The following LMX1A variants were observed in gnomAD, a reference collection of about 807,000 sequenced individuals.
LMX1A encodes the protein LIM homeobox transcription factor 1 alpha.
In LMX1A, 15 loss-of-function variants were observed where a neutral mutation model predicts 49.1. The ratio of observed to expected loss-of-function variants is 0.31; its 90% CI spans 0.20 to 0.47. The LOEUF is 0.47. Among genes scored for constraint, LMX1A ranks in the 20% least tolerant of loss-of-function variants. The pLI is 1.00. For synonymous variants in LMX1A, 167 were observed against 185.7 expected (o/e 0.90, Z 0.82); for missense variants, 372 against 475.8 (o/e 0.78, Z 2.03).
At position 165,212,159 on chromosome 1, in the gene LMX1A, G is replaced by C. The variant is rs191694680; in HGVS notation, c.670-1383C>G. Among the ~76,000 whole-genome samples the C allele has an allele frequency of 2.0e-4, 31 of 152,348 alleles. No individual in the cohort carries two copies. The East Asian group carries it at 5.6e-3, about 27-fold the overall frequency. On this transcript the variant is annotated intron_variant, in intron 5 of 8. Coordinates refer to ENST00000342310, the MANE Select transcript of LMX1A (RefSeq NM_177398.4). ...TTTCCAAATATCAGAAGTTGTGATAGGCTGGACTATTGCTCAACAAATATC... is the reference window on the plus strand; with the variant it reads ...TTTCCAAATATCAGAAGTTGTGATACGCTGGACTATTGCTCAACAAATATC...
At chr1:165,307,072 G>A (rs777161911) in intron 3 of LMX1A, among the ~76,000 whole-genome samples, 1 of 152,234 alleles carries the variant, frequency 6.6e-6, no homozygotes, top group African/African-American at 2.4e-5. Flanking sequence ...ATCAGGCAGT[G>A]CAGGCAAAGC....
At chr1:165,263,230 TCTAACTTGTATAC>T (rs1439483874) in intron 3 of LMX1A, among the ~76,000 whole-genome samples, 1 of 152,226 alleles carries the variant, frequency 6.6e-6, no homozygotes, top group Admixed American at 6.5e-5. Context: ...CTCTTTTGAA[TCTAACTTGTATAC>T]CCAACTACCT....
At chr1:165,260,464 C>G (rs1653398979) in intron 3 of LMX1A, among the ~76,000 whole-genome samples, 1 of 152,104 alleles carries the variant, frequency 6.6e-6, no homozygotes, top group Non-Finnish European at 1.5e-5. Flanking sequence ...TCCATAAATC[C>G]TGTTTGCTTT....
intron 4 of LMX1A, among the ~76,000 whole-genome samples, chr1:165,227,309 G>A (rs1652069255): frequency 1.3e-5 from 2 of 152,186 alleles, no homozygotes; most frequent in Admixed American, 1.3e-4. Flanking sequence ...AGGCCAAGGC[G>A]GGTGGATCAC....
At chr1:165,209,738 A>G (rs1300026977) in intron 6 of LMX1A, among the ~76,000 whole-genome samples, 1 of 152,214 alleles carries the variant, frequency 6.6e-6, no homozygotes, top group African/African-American at 2.4e-5. Context: ...AAAGCAGTAA[A>G]TATAAGTAAG....
intron 4 of LMX1A, among the ~76,000 whole-genome samples, chr1:165,235,204 C>T (rs554567247): frequency 1.6e-4 from 24 of 152,226 alleles, no homozygotes; most frequent in African/African-American, 5.5e-4. Context: ...ACCCAGAAGA[C>T]CCGGGAGCTA....
At chr1:165,325,411 A>T (rs796452903) in intron 3 of LMX1A, among the ~76,000 whole-genome samples, 1 of 151,902 alleles carries the variant, frequency 6.6e-6, no homozygotes. Flanking sequence ...TCATTGTTCA[A>T]TTTAGATCAC....
intron 4 of LMX1A, among the ~76,000 whole-genome samples, chr1:165,238,425 G>A (rs1249862461): frequency 6.6e-6 from 1 of 152,198 alleles, no homozygotes; most frequent in Admixed American, 6.5e-5. Context: ...ATCAGTAATA[G>A]TACCTTACGT....
At chr1:165,270,398 G>A (rs1653759445) in intron 3 of LMX1A, among the ~76,000 whole-genome samples, 1 of 152,178 alleles carries the variant, frequency 6.6e-6, no homozygotes, top group African/African-American at 2.4e-5. Flanking sequence ...AAACTCCTGT[G>A]GGGGCAAGCA....
Position 165,226,142 on chromosome 1 carries a change from A to G in LMX1A, c.497-12329T>C, listed in dbSNP as rs923376003. 8.5e-5 allele frequency among the ~76,000 whole-genome samples: 13 copies of G among 152,248 alleles called. No homozygotes were observed. In the South Asian group the frequency reaches 2.3e-3, roughly 27 times the overall value. Reference sequence around the variant, plus strand: ...GCAGGGCTGGCCCTTGTTGTGCATCATTGGGAAGTACACCACCAAGCACAA... The same window carrying G: ...GCAGGGCTGGCCCTTGTTGTGCATCGTTGGGAAGTACACCACCAAGCACAA... On this transcript the variant is annotated intron_variant, in intron 4 of 8. Transcript: ENST00000342310.
intron 3 of LMX1A, among the ~76,000 whole-genome samples, chr1:165,253,984 C>T (rs1308373804): frequency 6.6e-6 from 1 of 152,130 alleles, no homozygotes; most frequent in Admixed American, 6.5e-5. Context: ...GGCCCCAAGT[C>T]CCCGGTTGCT....
chr1:165,308,293 A>G (rs1006154002), intron 3 of LMX1A, among the ~76,000 whole-genome samples: 10 of 152,198 alleles, frequency 6.6e-5, no homozygotes, highest in African/African-American at 1.7e-4. Context: ...AACACCTTCC[A>G]TACAAGCTTT....
intron 3 of LMX1A, among the ~76,000 whole-genome samples, chr1:165,297,100 G>A (rs192439149): frequency 1.1e-4 from 16 of 152,322 alleles, no homozygotes; most frequent in Admixed American, 2.6e-4. Flanking sequence ...TCAGTTTCCA[G>A]CACAGTGCTT....
At chr1:165,245,108 A>AT (rs1652795669) in intron 4 of LMX1A, among the ~76,000 whole-genome samples, 1 of 152,066 alleles carries the variant, frequency 6.6e-6, no homozygotes, top group Admixed American at 6.5e-5. Flanking sequence ...TTCAACTTCT[A>AT]TTTTAGATGC....
At chr1:165,247,365 C>T (rs1652898518) in intron 4 of LMX1A, among the ~76,000 whole-genome samples, 1 of 151,970 alleles carries the variant, frequency 6.6e-6, no homozygotes, top group Non-Finnish European at 1.5e-5. Flanking sequence ...GAGGAGGAAG[C>T]CTAAGAGGGC....
intron 3 of LMX1A, among the ~76,000 whole-genome samples, chr1:165,310,001 C>T (rs565285674): frequency 9.2e-5 from 14 of 152,228 alleles, no homozygotes; most frequent in Non-Finnish European, 1.9e-4. Context: ...AAAGCCTCAG[C>T]TTTGTTATCC....
chr1:165,204,169 CTATAT>C, intron 8 of LMX1A, 129 bp from the exon 9 acceptor site: 1 of 948,160 alleles, frequency 1.1e-6, no homozygotes, highest in Admixed American at 2.6e-5. Flanking sequence ...TACAAAAAGT[CTATAT>C]TCTCTTTAGG....
At chr1:165,343,723 G>C (rs953360875) in intron 3 of LMX1A, among the ~76,000 whole-genome samples, 1 of 152,052 alleles carries the variant, frequency 6.6e-6, no homozygotes, top group African/African-American at 2.4e-5. Context: ...AGAAAATAAA[G>C]CCCATAAGAA....
At chr1:165,340,857 A>T (rs774442362) in intron 3 of LMX1A, among the ~76,000 whole-genome samples, 7 of 152,004 alleles carry the variant, frequency 4.6e-5, no homozygotes, top group Non-Finnish European at 8.8e-5. Flanking sequence ...TTCTCTCTTT[A>T]TCACCCCTTT....
Sources: gnomAD v4.1 joint callset for allele counts (sites outside exome capture counted in the v4.1 genomes callset) on GRCh38, gnomAD v4.1.1 for gene constraint, MANE v1.5 for transcripts, NCBI Gene and HGNC (gene_info 2026-07-23, HGNC 2026-07-21) for gene names.